The following NLGN1 variants were observed in gnomAD, a reference collection of about 807,000 sequenced individuals.
NLGN1 encodes the protein neuroligin 1, also known as neuroligin-1.
In NLGN1, 12 loss-of-function variants were observed where a neutral mutation model predicts 65.5. The observed-to-expected ratio is 0.18, with a 90% CI of 0.12 to 0.30. NLGN1 has a LOEUF of 0.30. NLGN1 is among the 10% of genes least tolerant of loss of function. The pLI is 1.00. For synonymous variants in NLGN1, 350 were observed against 359.5 expected, an observed-to-expected ratio of 0.97 and a Z score of 0.30; for missense variants, 750 against 1,007.1, an observed-to-expected ratio of 0.74 and a Z score of 3.46.
chr3:173,959,116 G>A (rs1712901373), intron 4 of NLGN1, among the ~76,000 whole-genome samples: 1 of 152,232 alleles, frequency 6.6e-6, no homozygotes, highest in Non-Finnish European at 1.5e-5. Context: ...TTGGGTGGCT[G>A]CAGCTGTGCC....
chr3:173,599,588 A>C (rs3861377), intron 2 of NLGN1, among the ~76,000 whole-genome samples: 5 of 152,062 alleles, frequency 3.3e-5, no homozygotes, highest in African/African-American at 1.2e-4. Context: ...TTATTAAATT[A>C]CCTTATTTGT....
At chr3:173,774,908 A>C (rs1390938377) in intron 3 of NLGN1, among the ~76,000 whole-genome samples, 1 of 151,888 alleles carries the variant, frequency 6.6e-6, no homozygotes, top group Non-Finnish European at 1.5e-5. Context: ...ACACATTTAA[A>C]CCCGATAAAA....
intron 3 of NLGN1, among the ~76,000 whole-genome samples, chr3:173,638,540 ATG>A (rs772754359): frequency 2.0e-4 from 31 of 152,090 alleles, no homozygotes; most frequent in Non-Finnish European, 3.7e-4. Flanking sequence ...CCTGCTGAGC[ATG>A]TGAGGTCAGG....
chr3:174,199,900 C>T lies in NLGN1; in HGVS notation c.647-75415C>T, dbSNP rs190333939. On this transcript the variant is annotated intron_variant, in intron 4 of 6. Coordinates refer to ENST00000457714, the Ensembl canonical transcript of NLGN1. ...TTATGTGCAGAGGAGGAAATAAATA[C>T]CATAGGAGCTTAGTAATTTACCCAA... Among the ~76,000 whole-genome samples the T allele has an allele frequency of 3.3e-5, 5 of 152,290 alleles. No homozygotes were observed. The East Asian group carries it at 9.7e-4, about 29-fold the overall frequency.
chr3:173,882,423 G>A (rs931431559), intron 4 of NLGN1, among the ~76,000 whole-genome samples: 4 of 152,112 alleles, frequency 2.6e-5, no homozygotes, highest in Admixed American at 6.6e-5. Flanking sequence ...TTCTAATATA[G>A]GACTCTTTCA....
chr3:173,753,536 T>G (rs1046805589), intron 3 of NLGN1, among the ~76,000 whole-genome samples: 14 of 152,284 alleles, frequency 9.2e-5, no homozygotes, highest in African/African-American at 3.1e-4. Context: ...AAATCCACCC[T>G]GGATGAAACC....
intron 3 of NLGN1, among the ~76,000 whole-genome samples, chr3:173,706,145 A>G (rs1222359618): frequency 1.3e-5 from 2 of 152,180 alleles, no homozygotes; most frequent in African/African-American, 4.8e-5. Context: ...ACCTATTTAT[A>G]GAGACAAAAT....
intron 4 of NLGN1, among the ~76,000 whole-genome samples, chr3:174,104,218 ATTCGAGT>A (rs989374530): frequency 8.6e-5 from 13 of 152,008 alleles, no homozygotes; most frequent in African/African-American, 3.1e-4. Context: ...TGGCTTGGCT[ATTCGAGT>A]TTCAAAAATA....
intron 2 of NLGN1, among the ~76,000 whole-genome samples, chr3:173,544,756 A>G (rs1278507354): frequency 6.6e-6 from 1 of 152,156 alleles, no homozygotes; most frequent in East Asian, 1.9e-4. Context: ...CACAGAGTTC[A>G]TGTTATAATC....
intron 2 of NLGN1, among the ~76,000 whole-genome samples, chr3:173,490,275 G>A (rs1728892716): frequency 6.6e-6 from 1 of 152,126 alleles, no homozygotes; most frequent in Admixed American, 6.6e-5. Flanking sequence ...TTTGTGTAAG[G>A]TGTAAGGAAG....
At chr3:173,655,443 T>C (rs1282939941) in intron 3 of NLGN1, among the ~76,000 whole-genome samples, 4 of 152,120 alleles carry the variant, frequency 2.6e-5, no homozygotes, top group Non-Finnish European at 5.9e-5. Flanking sequence ...GTAAAACTGG[T>C]TATAACAAAT....
chr3:173,651,807 T>C (rs937327252), intron 3 of NLGN1, among the ~76,000 whole-genome samples: 1 of 152,084 alleles, frequency 6.6e-6, no homozygotes. Context: ...TTTTGTTTTG[T>C]TTTTTGAGAC....
intron 3 of NLGN1, among the ~76,000 whole-genome samples, chr3:173,793,591 A>G (rs1365663844): frequency 6.6e-6 from 1 of 152,154 alleles, no homozygotes; most frequent in African/African-American, 2.4e-5. Flanking sequence ...CTTTAAATAC[A>G]TATTTAATCA....
downstream of NLGN1, among the ~76,000 whole-genome samples, chr3:174,290,583 A>G (rs1028007080): frequency 4.0e-5 from 6 of 151,194 alleles, no homozygotes; most frequent in Non-Finnish European, 5.9e-5. Flanking sequence ...TAAAATTAAA[A>G]TGTTAATACA....
intron 4 of NLGN1, among the ~76,000 whole-genome samples, chr3:174,073,572 T>C (rs1740337619): frequency 6.6e-6 from 1 of 152,170 alleles, no homozygotes; most frequent in Admixed American, 6.6e-5. Context: ...TAAAAGTCTA[T>C]ATGTAGCAGT....
intron 4 of NLGN1, among the ~76,000 whole-genome samples, chr3:174,196,107 T>A (rs571692209): frequency 6.6e-6 from 1 of 152,288 alleles, no homozygotes; most frequent in Admixed American, 6.5e-5. Context: ...CACTTTAAAA[T>A]CTGATTTTTA....
chr3:173,895,803 G>A (rs1262744221), intron 4 of NLGN1, among the ~76,000 whole-genome samples: 1 of 151,922 alleles, frequency 6.6e-6, no homozygotes, highest in Admixed American at 6.6e-5. Flanking sequence ...CGATTCTCCT[G>A]TCTCAGCCTC....
intron 3 of NLGN1, among the ~76,000 whole-genome samples, chr3:173,696,458 A>G (rs1766236160): frequency 6.6e-6 from 1 of 152,132 alleles, no homozygotes; most frequent in Non-Finnish European, 1.5e-5. Context: ...TTGAAAAGGG[A>G]CTATGAGTGG....
chr3:173,496,881 C>T (rs1189483300), intron 2 of NLGN1, among the ~76,000 whole-genome samples: 2 of 151,756 alleles, frequency 1.3e-5, no homozygotes, highest in African/African-American at 2.4e-5. Flanking sequence ...TGAATCTTAG[C>T]GCTTCTTATA....
Sources: allele counts gnomAD v4.1 joint callset (sites outside exome capture counted in the v4.1 genomes callset), GRCh38; gene constraint gnomAD v4.1.1; transcripts MANE v1.5; gene names NCBI Gene and HGNC (gene_info 2026-07-23, HGNC 2026-07-21).